Variants in YEATS2 observed in about 807,000 individuals in gnomAD.
YEATS2 encodes YEATS domain containing 2.
A neutral mutation model predicts 163.2 loss-of-function variants in YEATS2; 77 were observed. That is an observed-to-expected ratio of 0.47 (90% CI 0.39 to 0.57). The LOEUF (loss-of-function observed/expected upper bound fraction) is 0.57. Among genes scored for constraint, YEATS2 ranks in the 20% least tolerant of loss-of-function variants. YEATS2 has a pLI of 0.00. For synonymous variants in YEATS2, 631 were observed against 645.1 expected (o/e 0.98, Z 0.33); for missense variants, 1,549 against 1,729.8 (o/e 0.90, Z 1.85).
chr3:183,797,416 A>G (rs1028831871), intron 21 of YEATS2, among the ~76,000 whole-genome samples: 1 of 152,006 alleles, frequency 6.6e-6, no homozygotes, highest in African/African-American at 2.4e-5. Flanking sequence ...GTGTCATGGT[A>G]TGCCTGTAGT....
At chr3:183,782,058 A>G (rs1224652269) in intron 19 of YEATS2, among the ~76,000 whole-genome samples, 1 of 152,044 alleles carries the variant, frequency 6.6e-6, no homozygotes, top group Non-Finnish European at 1.5e-5. Context: ...TCCAAGATTT[A>G]TCTATATGTG....
chr3:183,809,766 TC>T (rs1726608474), intron 30 of YEATS2, among the ~76,000 whole-genome samples: 1 of 152,242 alleles, frequency 6.6e-6, no homozygotes, highest in Non-Finnish European at 1.5e-5. Flanking sequence ...CATCTGCTTT[TC>T]TTTCGGAGGA....
Position 183,795,318 on chromosome 3 carries a change from T to C in YEATS2, c.3098-2605T>C, listed in dbSNP as rs78395289. ...TTATTTCATTTTTAGAGCAGAGTCT[T>C]GCTCTGTTACCCAGGCTGGAGTGCA... On this transcript the variant is annotated intron_variant, in intron 21 of 30. Transcript: ENST00000305135. 0.011 allele frequency among the ~76,000 whole-genome samples: 1,632 copies of C among 152,118 alleles called. 65 individuals carry two copies. In the East Asian group the frequency reaches 0.14, roughly 13 times the overall value.
intron 5 of YEATS2, among the ~76,000 whole-genome samples, chr3:183,722,762 C>A (rs1187155109): frequency 6.6e-6 from 1 of 152,186 alleles, no homozygotes; most frequent in Non-Finnish European, 1.5e-5. Context: ...AAGCTATTTT[C>A]CTGTCTCAGC....
chr3:183,763,881 G>C (rs1049736474), intron 15 of YEATS2, among the ~76,000 whole-genome samples: 3 of 151,972 alleles, frequency 2.0e-5, no homozygotes. Flanking sequence ...CAGCCTGTCC[G>C]ACGTGGTGAA....
chr3:183,802,485 ATATG>A (rs1324904342), intron 25 of YEATS2: 1 of 99,774 alleles, frequency 1.0e-5, no homozygotes, highest in Non-Finnish European at 2.3e-5. Flanking sequence ...TCTCTCTTAT[ATATG>A]TGTGTGTGTG....
At chr3:183,754,517 A>T (rs750585810) in intron 11 of YEATS2, 152 bp downstream of exon 11, 6 of 1,106,784 alleles carry the variant, frequency 5.4e-6, no homozygotes, top group Admixed American at 6.1e-5. Flanking sequence ...TTGATTGGCA[A>T]AGCTGTCACA....
intron 4 of YEATS2, among the ~76,000 whole-genome samples, chr3:183,721,645 C>T (rs1392659326): frequency 6.6e-6 from 1 of 152,002 alleles, no homozygotes; most frequent in Non-Finnish European, 1.5e-5. Context: ...TCTCATTTAC[C>T]TCCGGAAGAC....
At chr3:183,756,807 C>T (rs1720820844) in intron 12 of YEATS2, 118 bp downstream of exon 12, 2 of 928,246 alleles carry the variant, frequency 2.2e-6, no homozygotes, top group East Asian at 3.3e-5. Context: ...AAACGAGAAG[C>T]GAGAATAAGT....
At chr3:183,782,952 T>C (rs1447159721) in intron 19 of YEATS2, among the ~76,000 whole-genome samples, 1 of 152,254 alleles carries the variant, frequency 6.6e-6, no homozygotes, top group Non-Finnish European at 1.5e-5. Flanking sequence ...CAGAGTAATA[T>C]GAGGAAGTCT....
chr3:183,749,581 C>G (rs1435643705), intron 9 of YEATS2, among the ~76,000 whole-genome samples: 4 of 152,192 alleles, frequency 2.6e-5, no homozygotes, highest in Non-Finnish European at 5.9e-5. Context: ...ATAATGTCCT[C>G]AGATTTCATC....
chr3:183,785,930 G>A (rs1339920093), intron 19 of YEATS2, among the ~76,000 whole-genome samples, 195 bp from the exon 20 acceptor site: 1 of 152,180 alleles, frequency 6.6e-6, no homozygotes, highest in Non-Finnish European at 1.5e-5. Flanking sequence ...TTGGGGTAAA[G>A]GGATATTTAT....
rs1320754451 is a variant in YEATS2, at chr3:183,808,062, C to T, written c.4044C>T (p.His1348=). The part of the protein sequence containing the change: ...IGITLQPVAL[H]RNVYASVVED... Reference sequence around the variant, plus strand: ...TCACCCTGCAGCCCGTGGCACTCCACAGGAACGTGTATGCGTCCGTGGTGG... The same window carrying T: ...TCACCCTGCAGCCCGTGGCACTCCATAGGAACGTGTATGCGTCCGTGGTGG... Residue 1348 remains histidine (H), a synonymous_variant, in exon 29 of 31, where the codon CAC becomes CAT. Transcript: ENST00000305135. 1 of 1,563,190 alleles carries T rather than the reference C, an allele frequency of 6.4e-7. No homozygotes were observed. Among genetic ancestry groups the T allele is most frequent in the South Asian group, 1.2e-5 (1 of 84,762 alleles).
intron 3 of YEATS2, among the ~76,000 whole-genome samples, 188 bp from the exon 4 acceptor site, chr3:183,718,312 T>C (rs1023553204): frequency 3.9e-5 from 6 of 152,236 alleles, no homozygotes; most frequent in African/African-American, 1.2e-4. Context: ...TGCAACACTT[T>C]TGTCTTTCTC....
chr3:183,718,666 G>GAATC (rs1716161613), intron 4 of YEATS2, 74 bp downstream of exon 4: 7 of 1,140,102 alleles, frequency 6.1e-6, no homozygotes, highest in Non-Finnish European at 7.5e-6. Flanking sequence ...TGTCAATATG[G>GAATC]AATCCCTGCA....
chr3:183,716,282 CAA>C (rs1387970290), intron 2 of YEATS2, among the ~76,000 whole-genome samples: 1 of 152,160 alleles, frequency 6.6e-6, no homozygotes, highest in Non-Finnish European at 1.5e-5. Flanking sequence ...ATTATTAAAA[CAA>C]ATTATTACTG....
At chr3:183,787,975 C>T (rs906185711) in intron 20 of YEATS2, among the ~76,000 whole-genome samples, 2 of 152,070 alleles carry the variant, frequency 1.3e-5, no homozygotes, top group African/African-American at 4.8e-5. Context: ...TCCACTCCAG[C>T]CTGGACAGTA....
chr3:183,724,789 C>A (rs549229839), intron 6 of YEATS2, among the ~76,000 whole-genome samples: 2 of 152,262 alleles, frequency 1.3e-5, no homozygotes, highest in South Asian at 4.1e-4. Flanking sequence ...GTTGTCCAGA[C>A]CAGAATGCAA....
rs181023750 is a variant in YEATS2 at position 183,748,119 on chromosome 3, A to G, written c.969+403A>G. Among the ~76,000 whole-genome samples, 127 of 151,966 alleles carry G rather than the reference A, an allele frequency of 8.4e-4. No individual in the cohort carries two copies. The Middle Eastern group carries it at 0.017, about 20-fold the overall frequency. On this transcript the variant is annotated intron_variant, in intron 9 of 30. Transcript: ENST00000305135. ...ATAACTACCGAAGACTGGGTAATCTATGAAGAGGTTTAATAGACTCACAGT... is the reference window on the plus strand; with the variant it reads ...ATAACTACCGAAGACTGGGTAATCTGTGAAGAGGTTTAATAGACTCACAGT...
Sources: gnomAD v4.1 joint callset for allele counts (sites outside exome capture counted in the v4.1 genomes callset) on GRCh38, gnomAD v4.1.1 for gene constraint, MANE v1.5 for transcripts, NCBI Gene and HGNC (gene_info 2026-07-23, HGNC 2026-07-21) for gene names.